Variants in CEP44 observed in about 807,000 individuals in gnomAD.
The protein encoded by CEP44 is centrosomal protein of 44 kDa.
In CEP44, 45 loss-of-function variants were observed where a neutral mutation model predicts 46.7. That is an observed-to-expected ratio of 0.96 (90% CI 0.76 to 1.24). The LOEUF (loss-of-function observed/expected upper bound fraction) is 1.24. Among genes scored for constraint, CEP44 ranks in the 50% most tolerant of loss-of-function variants. The pLI is 0.00. For missense variants in CEP44, 475 were observed against 459.7 expected, an observed-to-expected ratio of 1.03 and a Z score of -0.30; for synonymous variants, 142 against 146.0, an observed-to-expected ratio of 0.97 and a Z score of 0.20.
chr4:174,305,396 G>A (rs577747593), intron 6 of CEP44, among the ~76,000 whole-genome samples: 4 of 152,312 alleles, frequency 2.6e-5, no homozygotes, highest in African/African-American at 9.6e-5. Context: ...AGAGGTTCCA[G>A]TGAGCCGAGA....
At position 174,326,364 on chromosome 4, in the gene CEP44, CAAATAT is replaced by C. The variant is rs1331782612; in HGVS notation, c.1087-5117_1087-5112del. On this transcript the variant is annotated intron_variant, in intron 8 of 8. Coordinates refer to the CEP44 transcript ENST00000426172. The surrounding 1 kb of genome is among the most constrained non-coding windows in gnomAD (Gnocchi z 4.8). The stretch of plus-strand genomic sequence containing the variant: ...TATTTAACTTAATATAGGCTACCTT[CAAATAT>C]TATACTACTCATTTTAAGTATAACA... Among the ~76,000 whole-genome samples the C allele has an allele frequency of 2.0e-5, 3 of 151,520 alleles. No individual in the cohort carries two copies. Among genetic ancestry groups the C allele is most frequent in the African/African-American group, 7.3e-5 (3 of 41,046 alleles).
In CEP44 at chr4:174,288,116, T is replaced by A. The variant is rs1311374974; in HGVS notation, c.-148+4173T>A. ...TCTGGTGCTGCTTCATTTTTTAACC[T>A]GTTTATTGCGGTATGATTGACATAC... is the stretch of plus-strand genomic sequence containing the variant. On this transcript the variant is annotated intron_variant, in intron 1 of 11. Transcript: ENST00000503780. The surrounding 1 kb of genome is among the most constrained non-coding windows in gnomAD (Gnocchi z 4.6). 2.0e-5 allele frequency among the ~76,000 whole-genome samples: 3 copies of A among 152,220 alleles called. No homozygotes were observed. The highest frequency in any genetic ancestry group is 4.4e-5 in the Non-Finnish European group (3 of 68,040).
chr4:174,317,562 G>A lies in CEP44; in HGVS notation c.*179G>A. On this transcript the variant is annotated 3_prime_UTR_variant, in exon 12 of 12. Coordinates refer to ENST00000503780, the MANE Select transcript of CEP44 (RefSeq NM_001040157.3). ...AACTCTTTTAATATTTTTGAGCAAT[G>A]ATTATACTGCTTTACCTTGTGTCAC... 1 of 1,153,198 alleles carries A rather than the reference G, an allele frequency of 8.7e-7. No individual in the cohort carries two copies. Among genetic ancestry groups the A allele is most frequent in the Non-Finnish European group, 1.1e-6 (1 of 931,540 alleles). The allele number at this position is 1,153,198 out of a possible 1,614,324, so 71.4% of individuals were successfully genotyped here.
rs1739217611 is a variant in CEP44, at chr4:174,297,704, C to T, written c.-147-262C>T. ...TGTGTGTTTTCATTAATACTTCTTT[C>T]TGCCTTCGAACACTTCCTTCTGTAT... is the stretch of plus-strand genomic sequence containing the variant. On this transcript the variant is annotated intron_variant, in intron 1 of 11. Transcript: ENST00000503780. The surrounding 1 kb of genome is among the most constrained non-coding windows in gnomAD (Gnocchi z 4.3). Among the ~76,000 whole-genome samples, 1 of 151,370 alleles carries T rather than the reference C, an allele frequency of 6.6e-6. No individual in the cohort carries two copies. Among genetic ancestry groups the T allele is most frequent in the Non-Finnish European group, 1.5e-5 (1 of 67,864 alleles).
rs1742660359 is a variant in CEP44 at position 174,326,244 on chromosome 4, G to A, written c.1087-5238G>A. ...TGTATGTGTGTGTGTGTGTCTGTGTGTGTGTCTGTGTGTTTGCTCCAAGAT... is the reference window on the plus strand; with the variant it reads ...TGTATGTGTGTGTGTGTGTCTGTGTATGTGTCTGTGTGTTTGCTCCAAGAT... On this transcript the variant is annotated intron_variant, in intron 8 of 8. Transcript: ENST00000426172. This position sits in a 1 kb window ranked among gnomAD's most constrained non-coding sequence, Gnocchi z 4.8. 6.6e-6 allele frequency among the ~76,000 whole-genome samples: 1 copy of A among 151,540 alleles called. No homozygotes were observed. The highest frequency in any genetic ancestry group is 2.1e-4 in the South Asian group (1 of 4,794).
In CEP44 at chr4:174,286,734, AG is replaced by A. The variant is rs1737624770; in HGVS notation, c.-148+2792del. ...CTCCATGCAAGAAAATTAGTCATTT[AG>A]AAATAAATTCCATGCTATTACTTTT... is the stretch of plus-strand genomic sequence containing the variant. On this transcript the variant is annotated intron_variant, in intron 1 of 11. Coordinates refer to ENST00000503780, the MANE Select transcript of CEP44 (RefSeq NM_001040157.3). This position sits in a 1 kb window ranked among gnomAD's most constrained non-coding sequence, Gnocchi z 5.2. 6.6e-6 allele frequency among the ~76,000 whole-genome samples: 1 copy of A among 152,230 alleles called. No homozygotes were observed. Among genetic ancestry groups the A allele is most frequent in the African/African-American group, 2.4e-5 (1 of 41,466 alleles).
chr4:174,316,382 A>G (rs980069172), intron 10 of CEP44, 92 bp downstream of exon 10: 51 of 1,424,090 alleles, frequency 3.6e-5, no homozygotes, highest in Non-Finnish European at 4.9e-5. Flanking sequence ...GAAAAATAGC[A>G]AACGCGAATC....
At chr4:174,323,270 T>C (rs1392342296), downstream of CEP44, among the ~76,000 whole-genome samples, 3 of 152,186 alleles carry the variant, frequency 2.0e-5, no homozygotes, top group South Asian at 2.1e-4. Flanking sequence ...CCCTGAGAGA[T>C]TGTTGATATT....
chr4:174,310,883 T>C lies in CEP44; in HGVS notation c.961+25T>C, dbSNP rs766558310. The stretch of plus-strand genomic sequence containing the variant: ...CGTAAGTTTGTAAATACTATGAGAA[T>C]TGGTATGATGAGTTTTCAGAAAAAT... On this transcript the variant is annotated intron_variant, in intron 9 of 11. Transcript: ENST00000503780. This position sits in a 1 kb window ranked among gnomAD's most constrained non-coding sequence, Gnocchi z 4.2. 5.7e-6 allele frequency: 6 copies of C among 1,046,286 alleles called. No individual in the cohort carries two copies. In the East Asian group the frequency reaches 1.5e-4, roughly 26 times the overall value. The allele number at this position is 1,046,286 out of a possible 1,614,324, so 64.8% of individuals were successfully genotyped here.
Position 174,309,880 on chromosome 4 carries a change from C to G in CEP44, c.709C>G (p.Leu237Val), listed in dbSNP as rs912819762. ...AAATGTTAATCCTGAGATTACTGCACTACAAACTATGCTTGCTGAATGCCA... is the reference window on the plus strand; with the variant it reads ...AAATGTTAATCCTGAGATTACTGCAGTACAAACTATGCTTGCTGAATGCCA... ...DVNVNPEITA[L>V]QTMLAECQEN... is the part of the protein sequence containing the mutation. The change falls in exon 8 of 12, where the codon CTA (leucine) becomes GTA (valine). Residue 237 changes from leucine to valine, a missense_variant. Physicochemically the swap from Leu to Val is conservative, Grantham distance 32. Coordinates refer to ENST00000503780, the MANE Select transcript of CEP44 (RefSeq NM_001040157.3). The surrounding 1 kb of genome is among the most constrained non-coding windows in gnomAD (Gnocchi z 5.3). The G allele has an allele frequency of 6.2e-7, 1 of 1,610,948 alleles. No homozygotes were observed. Among genetic ancestry groups the G allele is most frequent in the East Asian group, 2.2e-5 (1 of 44,742 alleles).
In CEP44 at chr4:174,304,293, C is replaced by G; in HGVS notation, c.431C>G (p.Pro144Arg). Residue 144 changes from proline to arginine, a missense_variant, in exon 6 of 12, where the codon CCT becomes CGT. By Grantham distance (103) the Pro-to-Arg change is moderately radical. Coordinates refer to ENST00000503780, the MANE Select transcript of CEP44 (RefSeq NM_001040157.3). The stretch of plus-strand genomic sequence containing the variant: ...AAAATCAGTTCTGGTAAGTCAGAAC[C>G]TCCTTTGGGCAATGAGAAAATATCT... ...RKKISSGKSE[P>R]PLGNEKISAE... The G allele has an allele frequency of 1.2e-6, 2 of 1,610,080 alleles. No homozygotes were observed. The highest frequency in any genetic ancestry group is 8.5e-7 in the Non-Finnish European group (1 of 1,178,950).
Position 174,314,256 on chromosome 4 carries a change from C to T in CEP44, c.962-1910C>T, listed in dbSNP as rs914496281. On this transcript the variant is annotated intron_variant, in intron 9 of 11. Coordinates refer to ENST00000503780, the MANE Select transcript of CEP44 (RefSeq NM_001040157.3). This position sits in a 1 kb window ranked among gnomAD's most constrained non-coding sequence, Gnocchi z 4.1. The stretch of plus-strand genomic sequence containing the variant: ...CAGTGGCCATTGCCTTTCCCCTTTC[C>T]TTTCCAACCTGAACTCAGTTACCAA... Among the ~76,000 whole-genome samples the T allele has an allele frequency of 1.3e-5, 2 of 152,218 alleles. No individual in the cohort carries two copies. Among genetic ancestry groups the T allele is most frequent in the African/African-American group, 4.8e-5 (2 of 41,472 alleles).
intron 2 of CEP44, among the ~76,000 whole-genome samples, chr4:174,298,436 A>G (rs1326448340): frequency 1.3e-5 from 2 of 152,036 alleles, no homozygotes; most frequent in African/African-American, 4.8e-5. Context: ...CGGCCTCCCA[A>G]AGTGCTGGGA....
rs1191043050 is a variant in CEP44 at position 174,287,441 on chromosome 4, G to A, written c.-148+3498G>A. 1.3e-5 allele frequency among the ~76,000 whole-genome samples: 2 copies of A among 152,104 alleles called. No individual in the cohort carries two copies. The highest frequency in any genetic ancestry group is 2.9e-5 in the Non-Finnish European group (2 of 68,016). ...TTAGCCAGATGGAGAATGGGAGAGG[G>A]AAGGAGTTGCTCTGTATCTCTTCAA... On this transcript the variant is annotated intron_variant, in intron 1 of 11. Coordinates refer to ENST00000503780, the MANE Select transcript of CEP44 (RefSeq NM_001040157.3). The surrounding 1 kb of genome is among the most constrained non-coding windows in gnomAD (Gnocchi z 5.1).
rs377122523 is a variant in CEP44 at position 174,331,536 on chromosome 4, C to T, written c.1141C>T (p.Arg381Cys). 4.2e-4 allele frequency: 653 copies of T among 1,551,568 alleles called. No homozygotes were observed. Among genetic ancestry groups the T allele is most frequent in the Non-Finnish European group, 5.2e-4 (592 of 1,146,926 alleles). Reference sequence around the variant, plus strand: ...TTGTTCCAGTCTCAGCTGGCTGCTCCGTGGGCATACTTCATACCTTTCATC... The same window carrying T: ...TTGTTCCAGTCTCAGCTGGCTGCTCTGTGGGCATACTTCATACCTTTCATC... The change falls in exon 9 of 9, where the codon CGT becomes TGT. Residue 381 changes from arginine (R) to cysteine (C), a missense_variant. Transcript: ENST00000426172. The surrounding 1 kb of genome is among the most constrained non-coding windows in gnomAD (Gnocchi z 4.5).
rs530588044 is a variant in CEP44, at chr4:174,302,284, A to C, written c.237+98A>C. ...TTCTTAAATATATGCAGCATATACAATTGACAGGATATTTTCATTTGTATT... is the reference window on the plus strand; with the variant it reads ...TTCTTAAATATATGCAGCATATACACTTGACAGGATATTTTCATTTGTATT... On this transcript the variant is annotated intron_variant, in intron 4 of 11. Transcript: ENST00000503780. The C allele has an allele frequency of 1.0e-5, 7 of 703,340 alleles. No individual in the cohort carries two copies. The Admixed American group carries it at 2.3e-4, about 23-fold the overall frequency. 43.6% of individuals were successfully genotyped at this position (703,340 alleles called of 1,614,324 possible).
rs564619850 is a variant in CEP44, at chr4:174,320,076, G to A, written c.*2693G>A. The A allele has an allele frequency of 1.0e-6, 1 of 985,136 alleles. No individual in the cohort carries two copies. The highest frequency in any genetic ancestry group is 1.1e-4 in the East Asian group (1 of 8,786). 61.0% of individuals were successfully genotyped at this position (985,136 alleles called of 1,614,324 possible). On this transcript the variant is annotated 3_prime_UTR_variant, in exon 12 of 12. Transcript: ENST00000503780. ...CTACCAACAAAGGTGTCAGTTGCTTGTGCTGCCCTGTCTATGTTATGCTCT... is the reference window on the plus strand; with the variant it reads ...CTACCAACAAAGGTGTCAGTTGCTTATGCTGCCCTGTCTATGTTATGCTCT...
In CEP44 at chr4:174,291,280, C is replaced by CT. The variant is rs545084606; in HGVS notation, c.-147-6678dup. 1.5e-3 allele frequency among the ~76,000 whole-genome samples: 223 copies of CT among 151,016 alleles called. 1 individual carries two copies. Among genetic ancestry groups the CT allele is most frequent in the Non-Finnish European group, 2.4e-3 (161 of 67,712 alleles). ...TGTAGTAGAATGCTTTGATTTTTTT[C>CT]TTTTTTTTGTTTATTTACTATACTT... On this transcript the variant is annotated intron_variant, in intron 1 of 11. Transcript: ENST00000503780.
intron 1 of CEP44, among the ~76,000 whole-genome samples, chr4:174,295,206 C>T (rs554273975): frequency 7.4e-5 from 11 of 149,054 alleles, no homozygotes; most frequent in East Asian, 4.0e-4. Flanking sequence ...GGCTGCCGGG[C>T]GGAGGGGCTC....
Sources: gnomAD v4.1 joint callset for allele counts (sites outside exome capture counted in the v4.1 genomes callset) on GRCh38, gnomAD v4.1.1 for gene constraint, Gnocchi (gnomAD v3.1) non-coding constraint, MANE v1.5 for transcripts, NCBI Gene and HGNC (gene_info 2026-07-23, HGNC 2026-07-21) for gene names.